KLHL1: variants seen among roughly 807,000 people sequenced by gnomAD.
KLHL1 encodes kelch-like protein 1.
Under a neutral mutation model 77.7 loss-of-function variants are expected in KLHL1, and 47 were observed. The ratio of observed to expected loss-of-function variants is 0.60; its 90% CI spans 0.48 to 0.77. The LOEUF is 0.77. Among genes scored for constraint, KLHL1 ranks in the 30% least tolerant of loss-of-function variants. The probability of loss-of-function intolerance (pLI) is 0.00; values close to 1 mark genes in which losing one functional copy is unlikely to be tolerated. For synonymous variants in KLHL1, 360 were observed against 325.2 expected, an observed-to-expected ratio of 1.11 and a Z score of -1.15; for missense variants, 925 against 910.8, an observed-to-expected ratio of 1.02 and a Z score of -0.20.
At chr13:69,977,211 C>T (rs1459912924) in intron 1 of KLHL1, among the ~76,000 whole-genome samples, 1 of 151,936 alleles carries the variant, frequency 6.6e-6, no homozygotes, top group Non-Finnish European at 1.5e-5. Flanking sequence ...AAACAGACAA[C>T]AGAAACAGTC....
chr13:69,752,267 CAGTT>C (rs1159950026), intron 7 of KLHL1, among the ~76,000 whole-genome samples: 2 of 152,088 alleles, frequency 1.3e-5, no homozygotes, highest in Non-Finnish European at 2.9e-5. Flanking sequence ...TTGAAGGAAT[CAGTT>C]AAAGATTTAA....
intron 2 of KLHL1, 80 bp from the exon 3 acceptor site, chr13:69,961,524 C>T: frequency 2.1e-6 from 3 of 1,433,492 alleles, no homozygotes; most frequent in South Asian, 2.4e-5. Context: ...CAACACAGAG[C>T]ACAAAATCAA....
intron 1 of KLHL1, among the ~76,000 whole-genome samples, chr13:70,049,771 C>T (rs918881430): frequency 3.9e-5 from 6 of 151,936 alleles, no homozygotes; most frequent in East Asian, 3.9e-4. Context: ...TGCGGTGTTT[C>T]GAGAACATCA....
At chr13:69,955,918 T>C (rs1382104384) in intron 3 of KLHL1, among the ~76,000 whole-genome samples, 1 of 121,564 alleles carries the variant, frequency 8.2e-6, no homozygotes, top group East Asian at 2.2e-4. Context: ...ATTTGATATA[T>C]ATATTTATAT....
intron 8 of KLHL1, among the ~76,000 whole-genome samples, chr13:69,738,302 A>C (rs146389179): frequency 6.0e-4 from 92 of 152,288 alleles, no homozygotes; most frequent in African/African-American, 2.2e-3. Flanking sequence ...ATCTACACAC[A>C]AAAATGCTGA....
In KLHL1 at chr13:69,747,214, C is replaced by T. The variant is rs138413132; in HGVS notation, c.1640-6658G>A. On this transcript the variant is annotated intron_variant, in intron 7 of 10. Transcript: ENST00000377844. ...CATATTAGGAAGCTTACTCAGATAGCAGATACTCCATCAGGGCCAGAAGTT... is the reference window on the plus strand; with the variant it reads ...CATATTAGGAAGCTTACTCAGATAGTAGATACTCCATCAGGGCCAGAAGTT... Among the ~76,000 whole-genome samples, 451 of 152,126 alleles carry T rather than the reference C, an allele frequency of 3.0e-3. 3 individuals carry two copies. The highest frequency in any genetic ancestry group is 4.3e-3 in the Non-Finnish European group (290 of 67,956).
chr13:69,858,958 ATATC>A (rs1295296037), intron 5 of KLHL1, among the ~76,000 whole-genome samples: 2 of 152,104 alleles, frequency 1.3e-5, no homozygotes, highest in African/African-American at 2.4e-5. Flanking sequence ...TTCTCTGTCT[ATATC>A]TATCTTGATT....
At chr13:70,014,786 G>T (rs1338285908) in intron 1 of KLHL1, among the ~76,000 whole-genome samples, 1 of 152,038 alleles carries the variant, frequency 6.6e-6, no homozygotes, top group Non-Finnish European at 1.5e-5. Flanking sequence ...AAACATAGTA[G>T]ACTTAAACAG....
chr13:69,975,120 A>G (rs1319935922), intron 2 of KLHL1, among the ~76,000 whole-genome samples: 2 of 152,076 alleles, frequency 1.3e-5, no homozygotes, highest in African/African-American at 4.8e-5. Flanking sequence ...GGCTTTAAAA[A>G]TAATATCAGT....
At chr13:69,952,149 G>T (rs1376002877) in intron 3 of KLHL1, among the ~76,000 whole-genome samples, 1 of 151,340 alleles carries the variant, frequency 6.6e-6, no homozygotes, top group East Asian at 1.9e-4. Context: ...TTGTAAAAAT[G>T]ATTCAAAAAT....
intron 1 of KLHL1, among the ~76,000 whole-genome samples, chr13:69,991,803 G>A (rs551112981): frequency 6.6e-6 from 1 of 152,078 alleles, no homozygotes; most frequent in African/African-American, 2.4e-5. Context: ...CTCATTCTAT[G>A]AAGCCACTCA....
chr13:69,860,388 A>G (rs1002303104), intron 5 of KLHL1, among the ~76,000 whole-genome samples: 1 of 152,042 alleles, frequency 6.6e-6, no homozygotes, highest in Admixed American at 6.6e-5. Context: ...AGAGAATGTT[A>G]GTGGCATTGT....
At position 69,853,642 on chromosome 13, in the gene KLHL1, T is replaced by C. The variant is rs550979138; in HGVS notation, c.1228-14480A>G. 1.1e-4 allele frequency among the ~76,000 whole-genome samples: 17 copies of C among 152,092 alleles called. No individual in the cohort carries two copies. In the East Asian group the frequency reaches 3.1e-3, roughly 28 times the overall value. ...AGATACATACTGGAAGATAAGTGTTTAAAGTGGTATTCACCAGTGAATGTG... is the reference window on the plus strand; with the variant it reads ...AGATACATACTGGAAGATAAGTGTTCAAAGTGGTATTCACCAGTGAATGTG... On this transcript the variant is annotated intron_variant, in intron 5 of 10. Coordinates refer to ENST00000377844, the MANE Select transcript of KLHL1 (RefSeq NM_020866.3).
chr13:69,711,353 C>T (rs1472873008), intron 9 of KLHL1, among the ~76,000 whole-genome samples: 8 of 152,048 alleles, frequency 5.3e-5, no homozygotes, highest in Non-Finnish European at 1.0e-4. Flanking sequence ...AAATGAAGGT[C>T]CATGCTGTGA....
intron 3 of KLHL1, among the ~76,000 whole-genome samples, chr13:69,946,871 C>T (rs540395463): frequency 2.0e-4 from 30 of 150,764 alleles, no homozygotes; most frequent in African/African-American, 7.2e-4. Flanking sequence ...TGACAAGTCA[C>T]ATATGGTATT....
intron 1 of KLHL1, among the ~76,000 whole-genome samples, chr13:70,060,338 C>A (rs1886847955): frequency 6.6e-6 from 1 of 152,018 alleles, no homozygotes; most frequent in Non-Finnish European, 1.5e-5. Context: ...AGTACAACCA[C>A]TATAGAGAAC....
intron 1 of KLHL1, among the ~76,000 whole-genome samples, chr13:70,001,807 G>A (rs887605728): frequency 1.3e-5 from 2 of 151,446 alleles, no homozygotes; most frequent in African/African-American, 2.4e-5. Flanking sequence ...TGATAAAAAT[G>A]TAGTGCTCAT....
intron 1 of KLHL1, among the ~76,000 whole-genome samples, chr13:69,992,857 G>A (rs1351904372): frequency 6.6e-6 from 1 of 151,472 alleles, no homozygotes; most frequent in East Asian, 1.9e-4. Context: ...GTGAAGAAAG[G>A]CATATAGTCA....
At chr13:70,098,029 T>C (rs1428639055) in intron 1 of KLHL1, among the ~76,000 whole-genome samples, 1 of 151,914 alleles carries the variant, frequency 6.6e-6, no homozygotes, top group African/African-American at 2.4e-5. Context: ...CTTGAAAATA[T>C]TAAAGCCTAG....
Sources: gnomAD v4.1 joint callset for allele counts (sites outside exome capture counted in the v4.1 genomes callset) on GRCh38, gnomAD v4.1.1 for gene constraint, MANE v1.5 for transcripts, NCBI Gene and HGNC (gene_info 2026-07-23, HGNC 2026-07-21) for gene names.